SARDH: variants seen among roughly 807,000 people sequenced by gnomAD.
The protein encoded by SARDH is sarcosine dehydrogenase, mitochondrial.
Under a neutral mutation model 109.1 loss-of-function variants are expected in SARDH, and 95 were observed. That is an observed-to-expected ratio of 0.87 (90% confidence interval 0.74 to 1.03). The LOEUF is 1.03. Among genes scored for constraint, SARDH ranks in the 50% least tolerant of loss-of-function variants. The pLI is 0.00. For missense variants in SARDH, 1,267 were observed against 1,287.8 expected (o/e 0.98, Z 0.25); for synonymous variants, 572 against 534.8 (o/e 1.07, Z -0.96).
intron 6 of SARDH, among the ~76,000 whole-genome samples, chr9:133,722,675 CTCTT>C (rs936195284): frequency 9.4e-5 from 14 of 149,200 alleles, no homozygotes; most frequent in Admixed American, 2.7e-4. Context: ...CTCTCTCTCT[CTCTT>C]TCTCTCTTTC....
rs548946191 is a variant in SARDH at position 133,691,094 on chromosome 9, C to T, written c.1922-567G>A. On this transcript the variant is annotated intron_variant, in intron 15 of 20. Coordinates refer to ENST00000439388, the MANE Select transcript of SARDH (RefSeq NM_001134707.2). The stretch of plus-strand genomic sequence containing the variant: ...ACAAGCCAGTCCTCAAGGGGTTCCC[C>T]GACACCTGAACTGGGGCCGTTTCTG... 2.4e-4 allele frequency among the ~76,000 whole-genome samples: 37 copies of T among 151,980 alleles called. No homozygotes were observed. In the South Asian group the frequency reaches 6.8e-3, roughly 28 times the overall value.
At chr9:133,726,618 G>A (rs915717773) in intron 6 of SARDH, among the ~76,000 whole-genome samples, 5 of 152,060 alleles carry the variant, frequency 3.3e-5, no homozygotes, top group African/African-American at 1.2e-4. Flanking sequence ...CAGCATCAGC[G>A]TCCAGTGGAG....
chr9:133,705,111 T>TTACA, intron 11 of SARDH, 80 bp from the exon 12 acceptor site: 1 of 1,401,758 alleles, frequency 7.1e-7, no homozygotes, highest in Admixed American at 2.0e-5. Context: ...ATCCGCCACT[T>TTACA]TACACCCAAG....
rs993416814 is a variant in SARDH, at chr9:133,720,852, C to T, written c.916-1810G>A. Reference sequence around the variant, plus strand: ...AGCCAAACTGTATCAGAGTGACAGACAGTGCTATGAGAAAGGAATCTAAGA... The same window carrying T: ...AGCCAAACTGTATCAGAGTGACAGATAGTGCTATGAGAAAGGAATCTAAGA... On this transcript the variant is annotated intron_variant, in intron 6 of 20. Transcript: ENST00000439388. Among the ~76,000 whole-genome samples, 8 of 152,186 alleles carry T rather than the reference C, an allele frequency of 5.3e-5. 1 individual carries two copies. In the South Asian group the frequency reaches 1.7e-3, roughly 32 times the overall value.
chr9:133,663,758 G>T lies in SARDH; in HGVS notation c.*131C>A. 1.5e-6 allele frequency: 2 copies of T among 1,306,450 alleles called. No homozygotes were observed. Among genetic ancestry groups the T allele is most frequent in the Non-Finnish European group, 2.1e-6 (2 of 944,036 alleles). 80.9% of individuals were successfully genotyped at this position (1,306,450 alleles called of 1,614,324 possible). Reference sequence around the variant, plus strand: ...GTCCGTATCTGGTTTGGGGGTTTTCGCAGGACTAGGCCTAGGCTAAGGACA... The same window carrying T: ...GTCCGTATCTGGTTTGGGGGTTTTCTCAGGACTAGGCCTAGGCTAAGGACA... On this transcript the variant is annotated 3_prime_UTR_variant, in exon 21 of 21. Transcript: ENST00000439388.
intron 19 of SARDH, among the ~76,000 whole-genome samples, chr9:133,668,339 C>T (rs564335376): frequency 1.7e-5 from 2 of 120,114 alleles, no homozygotes; most frequent in East Asian, 4.9e-4. Flanking sequence ...CCCTCTCCCT[C>T]ATTCTCCCTC....
intron 6 of SARDH, among the ~76,000 whole-genome samples, chr9:133,723,386 T>A (rs1187781475): frequency 1.3e-5 from 2 of 152,238 alleles, no homozygotes; most frequent in Non-Finnish European, 2.9e-5. Context: ...CCAAACTTAC[T>A]GCAAAGCTAC....
At chr9:133,663,307 C>T (rs1001656671), downstream of SARDH, among the ~76,000 whole-genome samples, 1 of 152,252 alleles carries the variant, frequency 6.6e-6, no homozygotes, top group East Asian at 1.9e-4. Flanking sequence ...GCTTTGCCAC[C>T]TGAAGAACAG....
chr9:133,732,711 C>T, intron 2 of SARDH, 110 bp from the exon 3 acceptor site: 1 of 1,256,906 alleles, frequency 8.0e-7, no homozygotes, highest in Non-Finnish European at 1.1e-6. Flanking sequence ...TCTTTCTCTG[C>T]AAGGTCTTTC....
intron 17 of SARDH, among the ~76,000 whole-genome samples, chr9:133,684,824 G>A (rs763315851): frequency 3.3e-5 from 5 of 152,170 alleles, no homozygotes; most frequent in Non-Finnish European, 7.4e-5. Flanking sequence ...AGCAGAGCTC[G>A]GCCCTCCCGT....
At chr9:133,676,106 A>C (rs1830502576) in intron 17 of SARDH, among the ~76,000 whole-genome samples, 1 of 150,618 alleles carries the variant, frequency 6.6e-6, no homozygotes, top group Non-Finnish European at 1.5e-5. Context: ...AAAAAAAAAA[A>C]CACACACCAA....
intron 13 of SARDH, among the ~76,000 whole-genome samples, chr9:133,699,774 G>T (rs1444960527): frequency 1.3e-5 from 2 of 152,152 alleles, no homozygotes; most frequent in Non-Finnish European, 2.9e-5. Flanking sequence ...ACTGTGGTGG[G>T]GAATGTAATG....
At chr9:133,700,185 G>T (rs1831430465) in intron 13 of SARDH, among the ~76,000 whole-genome samples, 1 of 152,108 alleles carries the variant, frequency 6.6e-6, no homozygotes, top group African/African-American at 2.4e-5. Flanking sequence ...AAATTAGTTG[G>T]TCATGTTGGC....
At position 133,699,730 on chromosome 9, in the gene SARDH, T is replaced by C. The variant is rs944555653; in HGVS notation, c.1668+3186A>G. On this transcript the variant is annotated intron_variant, in intron 13 of 20. Transcript: ENST00000439388. The stretch of plus-strand genomic sequence containing the variant: ...CAAAAAGTCAGATAATAATAAGTGT[T>C]GGCGAGGATGTGGAGACACTGGAAC... 3.3e-5 allele frequency among the ~76,000 whole-genome samples: 5 copies of C among 152,122 alleles called. 1 individual carries two copies. The highest frequency in any genetic ancestry group is 3.3e-4 in the Admixed American group (5 of 15,272).
chr9:133,688,822 T>C (rs1830980127), intron 16 of SARDH, among the ~76,000 whole-genome samples: 1 of 152,240 alleles, frequency 6.6e-6, no homozygotes, highest in Non-Finnish European at 1.5e-5. Flanking sequence ...TTAATGCATG[T>C]TGGTTTCTAT....
In SARDH at chr9:133,670,765, A is replaced by C. The variant is rs760543205; in HGVS notation, c.2327-13T>G. 2 of 1,557,758 alleles carry C rather than the reference A, an allele frequency of 1.3e-6. No individual in the cohort carries two copies. Among genetic ancestry groups the C allele is most frequent in the Non-Finnish European group, 1.7e-6 (2 of 1,153,966 alleles). On this transcript the variant is annotated splice_polypyrimidine_tract_variant and intron_variant, in intron 18 of 20. Transcript: ENST00000439388. Reference sequence around the variant, plus strand: ...CAGTGCCGGTAGCCTGTGGGAAGGGAATCCATGGGGTCGGTGCCACCCTGA... The same window carrying C: ...CAGTGCCGGTAGCCTGTGGGAAGGGCATCCATGGGGTCGGTGCCACCCTGA...
intron 19 of SARDH, chr9:133,667,199 T>G (rs868779470): frequency 0.078 from 20,828 of 267,894 alleles, 98 homozygotes; most frequent in East Asian, 0.17. Flanking sequence ...CTCTGGTTTT[T>G]TTTTTTTTTT....
At chr9:133,729,577 C>G (rs1328908291) in intron 6 of SARDH, among the ~76,000 whole-genome samples, 188 bp downstream of exon 6, 2 of 152,194 alleles carry the variant, frequency 1.3e-5, no homozygotes, top group Non-Finnish European at 1.5e-5. Context: ...GCCTGTGCTA[C>G]CTAGTTTAAT....
chr9:133,684,425 C>G (rs1830811959), intron 17 of SARDH, among the ~76,000 whole-genome samples: 1 of 152,234 alleles, frequency 6.6e-6, no homozygotes, highest in African/African-American at 2.4e-5. Flanking sequence ...ACAGGAAGCC[C>G]TCGGCAAACA....
Sources: allele counts gnomAD v4.1 joint callset (sites outside exome capture counted in the v4.1 genomes callset), GRCh38; gene constraint gnomAD v4.1.1; transcripts MANE v1.5; gene names NCBI Gene and HGNC (gene_info 2026-07-23, HGNC 2026-07-21).